The following LRBA variants were observed in gnomAD, a reference collection of about 807,000 sequenced individuals.
LRBA encodes the protein LPS responsive beige-like anchor protein.
LRBA carries 176 observed loss-of-function variants against 330.0 expected under a neutral mutation model. The observed-to-expected ratio is 0.53, with a 90% confidence interval of 0.47 to 0.60. The LOEUF is 0.60. Ranked by LOEUF, LRBA falls within the 20% of genes least tolerant of loss-of-function variation. LRBA has a pLI of 0.00. For missense variants in LRBA, 3,259 were observed against 3,444.8 expected, an observed-to-expected ratio of 0.95 and a Z score of 1.35; for synonymous variants, 1,230 against 1,193.0, an observed-to-expected ratio of 1.03 and a Z score of -0.64.
chr4:150,583,460 G>A lies in LRBA; in HGVS notation c.6330+4588C>T. The A allele has an allele frequency of 6.2e-7, 1 of 1,613,930 alleles. No individual in the cohort carries two copies. On this transcript the variant is annotated intron_variant, in intron 40 of 56. Transcript: ENST00000651943. This position sits in a 1 kb window ranked among gnomAD's most constrained non-coding sequence, Gnocchi z 9.8. ...GTGGCCCAGGCGGTGGACAAGTGCAGCTATCGGGATGTGGTCAAGATGATC... is the reference window on the plus strand; with the variant it reads ...GTGGCCCAGGCGGTGGACAAGTGCAACTATCGGGATGTGGTCAAGATGATC...
At chr4:150,271,199 G>T (rs1746041810) in intron 56 of LRBA, among the ~76,000 whole-genome samples, 1 of 152,170 alleles carries the variant, frequency 6.6e-6, no homozygotes, top group Admixed American at 6.5e-5. Flanking sequence ...TTTTCCCACA[G>T]TCTTCACAAC....
chr4:150,267,921 G>C (rs1453742633), intron 56 of LRBA, among the ~76,000 whole-genome samples: 1 of 152,004 alleles, frequency 6.6e-6, no homozygotes, highest in Non-Finnish European at 1.5e-5. Flanking sequence ...TTAACTGGGC[G>C]TGGTAGTGGG....
intron 2 of LRBA, among the ~76,000 whole-genome samples, chr4:150,987,065 T>C (rs889462385): frequency 2.0e-5 from 3 of 152,238 alleles, no homozygotes; most frequent in Non-Finnish European, 2.9e-5. Flanking sequence ...CTTAAAGTTT[T>C]GTTCCATATC....
At position 150,471,684 on chromosome 4, in the gene LRBA, G is replaced by C; in HGVS notation, c.6607C>G (p.Arg2203Gly). 1 of 1,609,278 alleles carries C rather than the reference G, an allele frequency of 6.2e-7. No individual in the cohort carries two copies. Among genetic ancestry groups the C allele is most frequent in the Non-Finnish European group, 8.5e-7 (1 of 1,178,370 alleles). The stretch of plus-strand genomic sequence containing the variant: ...TTAGATATCTCTCTGTGTTGCCATC[G>C]CTGGGTCATATTAGAAGCCTTAAAA... ...QLFKASNMTQRWQHREISNFE... is the reference protein window; with the variant it reads ...QLFKASNMTQGWQHREISNFE... The change falls in exon 43 of 57, where the codon CGA becomes GGA. Residue 2203 changes from arginine to glycine, a missense_variant. Physicochemically the swap from Arg to Gly is moderately radical, Grantham distance 125. Coordinates refer to ENST00000651943, the MANE Select transcript of LRBA (RefSeq NM_001364905.1).
chr4:150,520,062 G>C (rs939141144), intron 40 of LRBA, among the ~76,000 whole-genome samples: 1 of 152,058 alleles, frequency 6.6e-6, no homozygotes, highest in Admixed American at 6.6e-5. Context: ...CTAATATTTA[G>C]TAGACACAAG....
intron 47 of LRBA, among the ~76,000 whole-genome samples, chr4:150,363,631 G>A (rs1739030994): frequency 6.6e-6 from 1 of 152,140 alleles, no homozygotes. Context: ...CAAAATATTT[G>A]TAGAATGAAT....
In LRBA at chr4:150,900,058, T is replaced by C. The variant is rs367775432; in HGVS notation, c.1915A>G (p.Lys639Glu). Residue 639 changes from lysine to glutamate, a missense_variant, in exon 14 of 57, where the codon AAA becomes GAA. By Grantham distance (56) the Lys-to-Glu change is moderately conservative. Coordinates refer to ENST00000651943, the MANE Select transcript of LRBA (RefSeq NM_001364905.1). The stretch of plus-strand genomic sequence containing the variant: ...GACAGAAATTATATACCTAATCCTT[T>C]TGGGGTGATACCACTTCGATCCTGA... ...NPQDRSGITP[K>E]GLDGPRPNQK... 1.3e-5 allele frequency: 21 copies of C among 1,610,928 alleles called. No homozygotes were observed. Among genetic ancestry groups the C allele is most frequent in the African/African-American group, 6.7e-5 (5 of 74,814 alleles).
At chr4:150,333,417 T>A (rs2126976948) in intron 48 of LRBA, among the ~76,000 whole-genome samples, 1 of 152,226 alleles carries the variant, frequency 6.6e-6, no homozygotes, top group Non-Finnish European at 1.5e-5. Context: ...TAAGAAAAGA[T>A]ATGTCATTTA....
Position 150,916,758 on chromosome 4 carries a change from A to G in LRBA, c.646-20T>C. On this transcript the variant is annotated intron_variant, in intron 5 of 56. Transcript: ENST00000651943. ...AATAGCCTAAAGGAAAGAAACTTTGAGTTATTAACTCACGTGAAAACCTGT... is the reference window on the plus strand; with the variant it reads ...AATAGCCTAAAGGAAAGAAACTTTGGGTTATTAACTCACGTGAAAACCTGT... 6.6e-7 allele frequency: 1 copy of G among 1,518,012 alleles called. No individual in the cohort carries two copies. The highest frequency in any genetic ancestry group is 8.8e-7 in the Non-Finnish European group (1 of 1,137,624). The allele number at this position is 1,518,012 out of a possible 1,614,324, so 94.0% of individuals were successfully genotyped here. A position where few individuals can be genotyped will look rare whatever the true frequency, so the allele number is the denominator to read the frequency against.
chr4:150,613,759 C>T (rs1034535499), intron 37 of LRBA, among the ~76,000 whole-genome samples: 1 of 152,224 alleles, frequency 6.6e-6, no homozygotes, highest in Non-Finnish European at 1.5e-5. Flanking sequence ...AGGTCTTAGG[C>T]CTCTCTGGCC....
intron 17 of LRBA, among the ~76,000 whole-genome samples, chr4:150,882,432 A>G (rs1210677178): frequency 6.6e-6 from 1 of 152,196 alleles, no homozygotes; most frequent in African/African-American, 2.4e-5. Context: ...TGAAATTTAT[A>G]TATTTATCTA....
At chr4:150,880,344 ACT>A (rs1728222934) in intron 17 of LRBA, among the ~76,000 whole-genome samples, 2 of 151,822 alleles carry the variant, frequency 1.3e-5, no homozygotes, top group African/African-American at 4.8e-5. Context: ...ACGTGGTGAA[ACT>A]CTGTCTCTAC....
At chr4:150,599,892 C>T (rs1773939588) in intron 37 of LRBA, among the ~76,000 whole-genome samples, 1 of 151,994 alleles carries the variant, frequency 6.6e-6, no homozygotes, top group African/African-American at 2.4e-5. Context: ...GTTTTATGTA[C>T]TCTGTTTTTA....
intron 38 of LRBA, among the ~76,000 whole-genome samples, chr4:150,591,635 G>A (rs1772848854): frequency 6.6e-6 from 1 of 152,146 alleles, no homozygotes; most frequent in Admixed American, 6.5e-5. Context: ...CAGAAAGCCT[G>A]GGATGAGAGG....
intron 31 of LRBA, among the ~76,000 whole-genome samples, chr4:150,813,981 C>A (rs72961842): frequency 1.3e-5 from 2 of 151,938 alleles, no homozygotes; most frequent in African/African-American, 4.8e-5. Context: ...CAAGGAGCAT[C>A]TATATTCTAA....
chr4:150,826,381 T>C lies in LRBA; in HGVS notation c.5171+1799A>G, dbSNP rs139827151. On this transcript the variant is annotated intron_variant, in intron 30 of 56. Coordinates refer to ENST00000651943, the MANE Select transcript of LRBA (RefSeq NM_001364905.1). ...GAAGAGAAGTGAGCACTAGGATTTATGGCAGGAAGAGATAGGCTAACTCTA... is the reference window on the plus strand; with the variant it reads ...GAAGAGAAGTGAGCACTAGGATTTACGGCAGGAAGAGATAGGCTAACTCTA... 2.6e-5 allele frequency among the ~76,000 whole-genome samples: 4 copies of C among 152,294 alleles called. No homozygotes were observed. The East Asian group carries it at 5.8e-4, about 22-fold the overall frequency.
intron 28 of LRBA, among the ~76,000 whole-genome samples, 194 bp from the exon 29 acceptor site, chr4:150,832,170 T>A (rs1010832484): frequency 1.3e-5 from 2 of 152,160 alleles, no homozygotes; most frequent in African/African-American, 4.8e-5. Flanking sequence ...TAGAAAAATG[T>A]CTTTAAATGA....
intron 31 of LRBA, among the ~76,000 whole-genome samples, chr4:150,809,645 A>G (rs1487433167): frequency 6.6e-6 from 1 of 152,176 alleles, no homozygotes; most frequent in Non-Finnish European, 1.5e-5. Context: ...GCTTGAGCTC[A>G]GGAGTTCAAG....
At chr4:150,716,126 CACTT>C (rs890460449) in intron 36 of LRBA, among the ~76,000 whole-genome samples, 12 of 152,016 alleles carry the variant, frequency 7.9e-5, no homozygotes, top group Non-Finnish European at 1.6e-4. Flanking sequence ...AAAAAAAAAT[CACTT>C]ACAGTGTATT....
Sources: allele counts gnomAD v4.1 joint callset (sites outside exome capture counted in the v4.1 genomes callset), GRCh38; gene constraint gnomAD v4.1.1; non-coding constraint Gnocchi (gnomAD v3.1); transcripts MANE v1.5; gene names NCBI Gene and HGNC (gene_info 2026-07-23, HGNC 2026-07-21).